The following PGBD5 variants were observed in gnomAD, a reference collection of about 807,000 sequenced individuals.
PGBD5 encodes the protein piggyBac transposable element-derived protein 5.
A neutral mutation model predicts 47.9 loss-of-function variants in PGBD5; 14 were observed. The observed-to-expected ratio is 0.29, with a 90% CI of 0.19 to 0.46. The LOEUF is 0.46. Among genes scored for constraint, PGBD5 ranks in the 20% least tolerant of loss-of-function variants. The pLI is 1.00. For synonymous variants in PGBD5, 316 were observed against 306.3 expected, an observed-to-expected ratio of 1.03 and a Z score of -0.33; for missense variants, 635 against 716.0, an observed-to-expected ratio of 0.89 and a Z score of 1.29.
In PGBD5 at chr1:230,333,279, T is replaced by C. The variant is rs146985379; in HGVS notation, c.1076-238A>G. 6.2e-4 allele frequency among the ~76,000 whole-genome samples: 94 copies of C among 152,222 alleles called. 1 individual carries two copies. In the East Asian group the frequency reaches 7.0e-3, roughly 11 times the overall value. Reference sequence around the variant, plus strand: ...GGTCCCTCCCTAAGAACATACAGTATGCTAAGACTGCATGTAGGGCTACAG... The same window carrying C: ...GGTCCCTCCCTAAGAACATACAGTACGCTAAGACTGCATGTAGGGCTACAG... On this transcript the variant is annotated intron_variant, in intron 4 of 6. Coordinates refer to ENST00000391860, the MANE Select transcript of PGBD5 (RefSeq NM_001258311.2).
chr1:230,394,078 G>A (rs922533289), intron 1 of PGBD5, among the ~76,000 whole-genome samples: 5 of 151,890 alleles, frequency 3.3e-5, no homozygotes, highest in African/African-American at 9.7e-5. Flanking sequence ...CTCAGAGAAC[G>A]CCACCCCATA....
intron 1 of PGBD5, among the ~76,000 whole-genome samples, chr1:230,415,790 C>T (rs1040651134): frequency 2.0e-5 from 3 of 152,184 alleles, no homozygotes; most frequent in African/African-American, 4.8e-5. Flanking sequence ...ATCTTTGGTT[C>T]AGAGCCCTTT....
At chr1:230,340,732 CTG>C (rs1480909130) in intron 3 of PGBD5, among the ~76,000 whole-genome samples, 1 of 152,064 alleles carries the variant, frequency 6.6e-6, no homozygotes, top group African/African-American at 2.4e-5. Context: ...GACGATGACT[CTG>C]AGAATCAGGG....
At chr1:230,349,961 G>A (rs1667536288) in intron 3 of PGBD5, among the ~76,000 whole-genome samples, 1 of 152,168 alleles carries the variant, frequency 6.6e-6, no homozygotes, top group African/African-American at 2.4e-5. Flanking sequence ...ATGGTGCTTT[G>A]GAGGGAAGAC....
chr1:230,371,713 C>T (rs945866500), intron 1 of PGBD5, among the ~76,000 whole-genome samples: 3 of 152,208 alleles, frequency 2.0e-5, no homozygotes, highest in African/African-American at 7.2e-5. Flanking sequence ...GGAGCTGCCA[C>T]ACCACTGGGG....
rs1442828965 is a variant in PGBD5 at position 230,323,750 on chromosome 1, T to C, written c.1380-130A>G. The C allele has an allele frequency of 2.4e-6, 2 of 839,876 alleles. No individual in the cohort carries two copies. Among genetic ancestry groups the C allele is most frequent in the South Asian group, 3.4e-5 (2 of 58,192 alleles). The allele number at this position is 839,876 out of a possible 1,614,324, so 52.0% of individuals were successfully genotyped here. On this transcript the variant is annotated intron_variant, in intron 6 of 6. Coordinates refer to ENST00000391860, the MANE Select transcript of PGBD5 (RefSeq NM_001258311.2). This position sits in a 1 kb window ranked among gnomAD's most constrained non-coding sequence, Gnocchi z 4.1. ...GCCCCCGACAGAAGCAGGAGGGCTATGGGGGCAGGAGTCAGGCTTGGGATG... is the reference window on the plus strand; with the variant it reads ...GCCCCCGACAGAAGCAGGAGGGCTACGGGGGCAGGAGTCAGGCTTGGGATG...
intron 1 of PGBD5, among the ~76,000 whole-genome samples, chr1:230,372,061 G>A (rs1667937400): frequency 6.6e-6 from 1 of 152,208 alleles, no homozygotes; most frequent in Non-Finnish European, 1.5e-5. Flanking sequence ...TTCCAATACA[G>A]TGCAAGTGAT....
At chr1:230,358,570 TAC>T (rs140258742) in intron 1 of PGBD5, among the ~76,000 whole-genome samples, 4 of 151,870 alleles carry the variant, frequency 2.6e-5, no homozygotes, top group Admixed American at 6.6e-5. Context: ...GCCCTTTGAA[TAC>T]ACACACACAC....
chr1:230,415,575 A>G (rs2102752638), intron 1 of PGBD5, among the ~76,000 whole-genome samples: 1 of 152,330 alleles, frequency 6.6e-6, no homozygotes, highest in Admixed American at 6.5e-5. Context: ...AGATGAGTGC[A>G]GTGACCACTT....
chr1:230,401,310 G>A (rs1040297670), intron 1 of PGBD5, among the ~76,000 whole-genome samples: 21 of 152,208 alleles, frequency 1.4e-4, no homozygotes, highest in African/African-American at 4.3e-4. Context: ...CGCTCATGGC[G>A]GGTCAGCATA....
intron 1 of PGBD5, among the ~76,000 whole-genome samples, chr1:230,403,962 G>A (rs11586796): frequency 3.3e-5 from 5 of 150,902 alleles, no homozygotes; most frequent in South Asian, 2.1e-4. Flanking sequence ...TACAGAGGAG[G>A]AAAAAAAAAG....
intron 1 of PGBD5, among the ~76,000 whole-genome samples, chr1:230,375,198 G>GA (rs1166883548): frequency 6.6e-6 from 1 of 152,136 alleles, no homozygotes; most frequent in African/African-American, 2.4e-5. Flanking sequence ...TAATCAGGCT[G>GA]AAAAAAATAA....
chr1:230,354,552 A>G (rs1667606036), intron 2 of PGBD5, among the ~76,000 whole-genome samples: 1 of 152,240 alleles, frequency 6.6e-6, no homozygotes, highest in Admixed American at 6.5e-5. Flanking sequence ...ACATGATTAT[A>G]TAACTTTTAC....
At chr1:230,386,783 C>T (rs1426327515) in intron 1 of PGBD5, among the ~76,000 whole-genome samples, 1 of 152,134 alleles carries the variant, frequency 6.6e-6, no homozygotes, top group Non-Finnish European at 1.5e-5. Context: ...GACATTATCT[C>T]TTTGAAATGT....
At chr1:230,324,989 C>T (rs776590936) in intron 6 of PGBD5, among the ~76,000 whole-genome samples, 1 of 152,156 alleles carries the variant, frequency 6.6e-6, no homozygotes, top group Non-Finnish European at 1.5e-5. Context: ...GCAAGCGATG[C>T]CAACGGCTGG....
intron 3 of PGBD5, among the ~76,000 whole-genome samples, chr1:230,346,883 T>C (rs1429078082): frequency 3.3e-5 from 5 of 152,090 alleles, no homozygotes; most frequent in Non-Finnish European, 5.9e-5. Context: ...CTATCTCTAG[T>C]TCTGAGGGGC....
In PGBD5 at chr1:230,373,296, G is replaced by A. The variant is rs113283958; in HGVS notation, c.332-15975C>T. Among the ~76,000 whole-genome samples the A allele has an allele frequency of 7.0e-3, 1,059 of 152,260 alleles. 12 individuals are homozygous for A. The highest frequency in any genetic ancestry group is 0.024 in the African/African-American group (1,014 of 41,554). On this transcript the variant is annotated intron_variant, in intron 1 of 6. Coordinates refer to ENST00000391860, the MANE Select transcript of PGBD5 (RefSeq NM_001258311.2). ...GACTTTGCACATCACTACACAATAG[G>A]TGTCAATCCCTGATCCAGAGATGGC...
intron 1 of PGBD5, among the ~76,000 whole-genome samples, chr1:230,398,367 C>T (rs77873697): frequency 0.04 from 6,032 of 151,698 alleles, 202 homozygotes; most frequent in East Asian, 0.12. Flanking sequence ...TCCATGTCTT[C>T]GCATGGGCTC....
intron 5 of PGBD5, among the ~76,000 whole-genome samples, chr1:230,328,842 G>A (rs935275758): frequency 6.6e-6 from 1 of 152,214 alleles, no homozygotes; most frequent in African/African-American, 2.4e-5. Flanking sequence ...GCAGACTCCA[G>A]GAGGAAGATG....
Sources: allele counts gnomAD v4.1 joint callset (sites outside exome capture counted in the v4.1 genomes callset), GRCh38; gene constraint gnomAD v4.1.1; non-coding constraint Gnocchi (gnomAD v3.1); transcripts MANE v1.5; gene names NCBI Gene and HGNC (gene_info 2026-07-23, HGNC 2026-07-21).